The following WIF1 variants were observed in gnomAD, a reference collection of about 807,000 sequenced individuals.
WIF1 encodes Wnt inhibitory factor 1.
In WIF1, 35 loss-of-function variants were observed where a neutral mutation model predicts 53.5. The observed-to-expected ratio is 0.65, with a 90% CI of 0.50 to 0.87. WIF1 has a LOEUF of 0.87. Among genes scored for constraint, WIF1 ranks in the 40% least tolerant of loss-of-function variants. The pLI, the probability that WIF1 is intolerant of heterozygous loss-of-function variation, is 0.00. For missense variants in WIF1, 467 were observed against 476.8 expected, an observed-to-expected ratio of 0.98 and a Z score of 0.19; for synonymous variants, 171 against 170.4, an observed-to-expected ratio of 1.00 and a Z score of -0.03.
At chr12:65,069,491 G>A (rs1882739433) in intron 3 of WIF1, among the ~76,000 whole-genome samples, 1 of 152,178 alleles carries the variant, frequency 6.6e-6, no homozygotes, top group Non-Finnish European at 1.5e-5. Context: ...CTAGAGTTCA[G>A]TCATTGGACC....
At chr12:65,093,178 A>C (rs1883150948) in intron 2 of WIF1, among the ~76,000 whole-genome samples, 1 of 152,192 alleles carries the variant, frequency 6.6e-6, no homozygotes, top group Non-Finnish European at 1.5e-5. Flanking sequence ...CTGAGCATCC[A>C]TCCAAAGACC....
Position 65,106,372 on chromosome 12 carries a change from TA to T in WIF1, c.288+14044del, listed in dbSNP as rs201183638. ...ATATATATATGATCATATATATATA[TA>T]TTTTTTTTTATTTTTTTTGTTTTTG... On this transcript the variant is annotated intron_variant, in intron 2 of 9. Coordinates refer to ENST00000286574, the MANE Select transcript of WIF1 (RefSeq NM_007191.5). Among the ~76,000 whole-genome samples the T allele has an allele frequency of 9.6e-3, 1,308 of 136,768 alleles. 10 individuals are homozygous for T. Among genetic ancestry groups the T allele is most frequent in the East Asian group, 0.019 (93 of 4,786 alleles). 89.7% of individuals were successfully genotyped at this position (136,768 alleles called of 152,430 possible). A position where few individuals can be genotyped will look rare whatever the true frequency, so the allele number is the denominator to read the frequency against.
At chr12:65,086,908 C>T (rs995711877) in intron 2 of WIF1, among the ~76,000 whole-genome samples, 8 of 151,876 alleles carry the variant, frequency 5.3e-5, no homozygotes, top group African/African-American at 1.9e-4. Flanking sequence ...CTTTGGGAGG[C>T]TGAGGCAGTG....
intron 2 of WIF1, among the ~76,000 whole-genome samples, chr12:65,088,876 T>C (rs183858848): frequency 1.3e-5 from 2 of 152,242 alleles, no homozygotes; most frequent in African/African-American, 4.8e-5. Context: ...TGAATATTTT[T>C]CTGGGGGGGA....
intron 2 of WIF1, among the ~76,000 whole-genome samples, chr12:65,113,142 G>A (rs1883458496): frequency 2.0e-5 from 3 of 152,148 alleles, no homozygotes; most frequent in African/African-American, 7.2e-5. Context: ...ATCCACCAAG[G>A]TTCTATAGGA....
At chr12:65,089,535 G>T (rs1229444235) in intron 2 of WIF1, among the ~76,000 whole-genome samples, 7 of 152,062 alleles carry the variant, frequency 4.6e-5, no homozygotes, top group Middle Eastern at 3.2e-3. Context: ...TTACAATGAA[G>T]ACTTTGGCTA....
intron 3 of WIF1, 137 bp downstream of exon 3, chr12:65,077,609 T>C (rs762996434): frequency 1.4e-5 from 9 of 641,298 alleles, no homozygotes; most frequent in Non-Finnish European, 1.6e-5. Flanking sequence ...AGAATAACAG[T>C]CAAACTGTCC....
At chr12:65,119,644 G>A (rs1158227844) in intron 2 of WIF1, among the ~76,000 whole-genome samples, 1 of 152,038 alleles carries the variant, frequency 6.6e-6, no homozygotes, top group African/African-American at 2.4e-5. Context: ...CTAATAAGCT[G>A]AAGAATGCAT....
chr12:65,053,558 T>C (rs1352060554), intron 9 of WIF1, among the ~76,000 whole-genome samples: 1 of 152,182 alleles, frequency 6.6e-6, no homozygotes, highest in Non-Finnish European at 1.5e-5. Flanking sequence ...TGCCTCCCTT[T>C]GCCTTCTGCC....
rs1026685009 is a variant in WIF1 at position 65,075,160 on chromosome 12, T to C, written c.397+2586A>G. Among the ~76,000 whole-genome samples, 7 of 152,306 alleles carry C rather than the reference T, an allele frequency of 4.6e-5. No individual in the cohort carries two copies. In the East Asian group the frequency reaches 9.6e-4, roughly 21 times the overall value. On this transcript the variant is annotated intron_variant, in intron 3 of 9. Coordinates refer to ENST00000286574, the MANE Select transcript of WIF1 (RefSeq NM_007191.5). The stretch of plus-strand genomic sequence containing the variant: ...GATGATCAAAGAGAAACTGAACTTA[T>C]ACTTCTCCTGTCTACACCCACGATG...
At chr12:65,074,448 T>G (rs1034493355) in intron 3 of WIF1, among the ~76,000 whole-genome samples, 7 of 152,002 alleles carry the variant, frequency 4.6e-5, no homozygotes, top group African/African-American at 1.7e-4. Context: ...AGGTGTTATG[T>G]ACTTATTTTA....
In WIF1 at chr12:65,067,774, C is replaced by G; in HGVS notation, c.555G>C (p.Gly185=). The part of the protein sequence containing the change: ...KTCQQAECPG[G]CRNGGFCNER... Reference sequence around the variant, plus strand: ...CATTACAAAAGCCTCCATTTCGGCACCCGCCTGGGCACTCAGCTTCAGCAG... The same window carrying G: ...CATTACAAAAGCCTCCATTTCGGCAGCCGCCTGGGCACTCAGCTTCAGCAG... Residue 185 remains glycine, a synonymous_variant, in exon 5 of 10, where the codon GGG becomes GGC. Transcript: ENST00000286574. The G allele has an allele frequency of 6.2e-7, 1 of 1,613,196 alleles. No homozygotes were observed. The highest frequency in any genetic ancestry group is 1.1e-5 in the South Asian group (1 of 91,066).
Position 65,066,736 on chromosome 12 carries a change from G to C in WIF1, c.635C>G (p.Ala212Gly), listed in dbSNP as rs772492838. Residue 212 changes from alanine to glycine, a missense_variant and splice_region_variant, in exon 6 of 10, where the codon GCC becomes GGC. Ala to Gly is a moderately conservative substitution (Grantham distance 60). Coordinates refer to ENST00000286574, the MANE Select transcript of WIF1 (RefSeq NM_007191.5). Reference protein sequence around the residue: ...DGFHGPHCEKALCTPRCMNGG... With the variant: ...DGFHGPHCEKGLCTPRCMNGG... ...ATTCATACATCGTGGGGTACAAAGG[G>C]CTTATAGGGAGAGAGAACCCTGATT... is the stretch of plus-strand genomic sequence containing the variant. The C allele has an allele frequency of 1.9e-6, 3 of 1,591,284 alleles. No individual in the cohort carries two copies. The highest frequency in any genetic ancestry group is 2.6e-6 in the Non-Finnish European group (3 of 1,169,554).
intron 6 of WIF1, among the ~76,000 whole-genome samples, chr12:65,064,490 G>A (rs1450042852): frequency 6.6e-6 from 1 of 152,152 alleles, no homozygotes; most frequent in East Asian, 1.9e-4. Flanking sequence ...CAAATACATA[G>A]TGCTGATGTC....
chr12:65,099,779 G>A (rs913861328), intron 2 of WIF1, among the ~76,000 whole-genome samples: 10 of 152,020 alleles, frequency 6.6e-5, no homozygotes, highest in African/African-American at 2.4e-4. Context: ...TGTTAGCTCA[G>A]TTTCCTCATT....
At chr12:65,094,659 C>T (rs897221681) in intron 2 of WIF1, among the ~76,000 whole-genome samples, 2 of 152,016 alleles carry the variant, frequency 1.3e-5, no homozygotes, top group South Asian at 2.1e-4. Context: ...TAAAAGATAT[C>T]CAAGGAAAGA....
intron 2 of WIF1, among the ~76,000 whole-genome samples, chr12:65,096,498 C>T (rs1252003151): frequency 2.0e-5 from 3 of 152,134 alleles, no homozygotes; most frequent in African/African-American, 4.8e-5. Context: ...CCATTTGACC[C>T]AGCAATCCCA....
At chr12:65,071,401 TAATGAAAGTTTTAAAATAGAA>T (rs1172095130) in intron 3 of WIF1, among the ~76,000 whole-genome samples, 2 of 152,108 alleles carry the variant, frequency 1.3e-5, no homozygotes, top group Non-Finnish European at 2.9e-5. Flanking sequence ...TTGCAAAATC[TAATGAAAGTTTTAAAATAGAA>T]AAACTGTAAG....
intron 8 of WIF1, among the ~76,000 whole-genome samples, chr12:65,055,474 C>T (rs939100794): frequency 6.6e-6 from 1 of 152,160 alleles, no homozygotes; most frequent in Non-Finnish European, 1.5e-5. Flanking sequence ...AGTTTATTTT[C>T]CTTAAGAAAA....
Sources: allele counts gnomAD v4.1 joint callset (sites outside exome capture counted in the v4.1 genomes callset), GRCh38; gene constraint gnomAD v4.1.1; transcripts MANE v1.5; gene names NCBI Gene and HGNC (gene_info 2026-07-23, HGNC 2026-07-21).